RBPJ: variants seen among roughly 807,000 people sequenced by gnomAD.
RBPJ encodes recombination signal binding protein for immunoglobulin kappa J region, also known as recombining binding protein suppressor of hairless.
RBPJ carries 9 observed loss-of-function variants against 67.8 expected under a neutral mutation model. The observed-to-expected ratio is 0.13, with a 90% confidence interval of 0.08 to 0.23. The LOEUF is 0.23. Among genes scored for constraint, RBPJ ranks in the 10% least tolerant of loss-of-function variants. The pLI is 1.00. For synonymous variants in RBPJ, 198 were observed against 203.3 expected, an observed-to-expected ratio of 0.97 and a Z score of 0.22; for missense variants, 305 against 595.6, an observed-to-expected ratio of 0.51 and a Z score of 5.08.
chr4:26,278,825 C>A (rs751515806), intron 1 of RBPJ, among the ~76,000 whole-genome samples: 2 of 152,078 alleles, frequency 1.3e-5, no homozygotes, highest in South Asian at 4.1e-4. Flanking sequence ...ATGATTAGTC[C>A]GTTTTAAAAA....
At chr4:26,263,311 C>T (rs1370442339) in intron 1 of RBPJ, among the ~76,000 whole-genome samples, 2 of 121,998 alleles carry the variant, frequency 1.6e-5, no homozygotes, top group African/African-American at 3.0e-5. Context: ...AACCACCCAG[C>T]CCCCCCGCCC....
intron 1 of RBPJ, among the ~76,000 whole-genome samples, chr4:26,212,949 C>T (rs541982165): frequency 6.6e-6 from 1 of 152,266 alleles, no homozygotes; most frequent in Non-Finnish European, 1.5e-5. Context: ...AACTCATCCC[C>T]ATACCAGGAG....
At chr4:26,335,232 A>C (rs1262147793) in intron 1 of RBPJ, among the ~76,000 whole-genome samples, 3 of 152,080 alleles carry the variant, frequency 2.0e-5, no homozygotes, top group African/African-American at 7.2e-5. Flanking sequence ...CCCAGGCTGG[A>C]GTGCAGTGGC....
At chr4:26,269,937 T>C (rs1259241823) in intron 1 of RBPJ, among the ~76,000 whole-genome samples, 2 of 151,924 alleles carry the variant, frequency 1.3e-5, no homozygotes, top group Admixed American at 1.3e-4. Context: ...AATGAAACAT[T>C]GTGGAAGAAT....
At chr4:26,190,501 G>A (rs1717440762) in intron 1 of RBPJ, among the ~76,000 whole-genome samples, 1 of 152,158 alleles carries the variant, frequency 6.6e-6, no homozygotes, top group Non-Finnish European at 1.5e-5. Flanking sequence ...TTAGAAATAG[G>A]TGAGGGCATC....
intron 1 of RBPJ, among the ~76,000 whole-genome samples, chr4:26,295,884 G>A (rs1721859634): frequency 6.6e-6 from 1 of 152,176 alleles, no homozygotes; most frequent in Non-Finnish European, 1.5e-5. Context: ...AACCCCTGGG[G>A]TGAAATTAGA....
At chr4:26,335,278 T>C (rs1724689777) in intron 1 of RBPJ, among the ~76,000 whole-genome samples, 1 of 151,748 alleles carries the variant, frequency 6.6e-6, no homozygotes, top group African/African-American at 2.4e-5. Flanking sequence ...GCCTCCTGGG[T>C]TCAAGTGATT....
chr4:26,431,049 C>A lies in RBPJ; in HGVS notation c.*42C>A, dbSNP rs1577683194. On this transcript the variant is annotated 3_prime_UTR_variant, in exon 11 of 11. Transcript: ENST00000355476. The stretch of plus-strand genomic sequence containing the variant: ...AGGACTTAAACTGACTTGAGTGTGG[C>A]AAAAAGTTAACAAAAAAGGAGAAAA... 1.3e-6 allele frequency: 2 copies of A among 1,533,848 alleles called. No individual in the cohort carries two copies. Among genetic ancestry groups the A allele is most frequent in the African/African-American group, 1.4e-5 (1 of 72,370 alleles).
chr4:26,151,681 C>T, the RBPJ span, among the ~76,000 whole-genome samples: 1 of 152,204 alleles, frequency 6.6e-6, no homozygotes, highest in Non-Finnish European at 1.5e-5. Context: ...GACAGCCTTC[C>T]GACTACCCAG....
At chr4:26,276,131 C>A (rs1389957788) in intron 1 of RBPJ, among the ~76,000 whole-genome samples, 1 of 150,770 alleles carries the variant, frequency 6.6e-6, no homozygotes, top group Non-Finnish European at 1.5e-5. Context: ...AAAAATTAGC[C>A]GAGCATGGTG....
intron 3 of RBPJ, among the ~76,000 whole-genome samples, chr4:26,407,552 G>C (rs1733559975): frequency 6.6e-6 from 1 of 152,120 alleles, no homozygotes; most frequent in Non-Finnish European, 1.5e-5. Flanking sequence ...TCTTTGAATA[G>C]TTTCTTGAGT....
chr4:26,342,409 G>T (rs1449649252), intron 1 of RBPJ, among the ~76,000 whole-genome samples: 2 of 152,186 alleles, frequency 1.3e-5, no homozygotes, highest in Non-Finnish European at 2.9e-5. Flanking sequence ...GTTGGTGGGA[G>T]AAATGGAATT....
At chr4:26,232,142 C>T (rs1719311904) in intron 1 of RBPJ, among the ~76,000 whole-genome samples, 1 of 152,048 alleles carries the variant, frequency 6.6e-6, no homozygotes, top group African/African-American at 2.4e-5. Flanking sequence ...ATGATCCAAC[C>T]TCCTCAGCCT....
chr4:26,375,200 A>T (rs1729581896), intron 1 of RBPJ, among the ~76,000 whole-genome samples: 1 of 149,452 alleles, frequency 6.7e-6, no homozygotes, highest in African/African-American at 2.5e-5. Context: ...GCTACTGGGG[A>T]GTAGGATCAC....
chr4:26,163,683 G>T (rs12512100), intron 1 of RBPJ: 1 of 152,086 alleles, frequency 6.6e-6, no homozygotes, highest in Non-Finnish European at 1.5e-5. Flanking sequence ...GCTTTAGTTC[G>T]TGACTTATGA....
the RBPJ span, among the ~76,000 whole-genome samples, chr4:26,153,139 G>T: frequency 1.7e-3 from 256 of 152,304 alleles, 1 homozygote; most frequent in Non-Finnish European, 2.6e-3. Flanking sequence ...TGTGTGCATC[G>T]AACCATCAGA....
the RBPJ span, among the ~76,000 whole-genome samples, chr4:26,125,905 G>T: frequency 1.1e-4 from 16 of 152,272 alleles, no homozygotes; most frequent in African/African-American, 3.4e-4. Flanking sequence ...CAGCTGGAGA[G>T]GCAGCATAAC....
intron 7 of RBPJ, among the ~76,000 whole-genome samples, chr4:26,426,793 CAG>C (rs917081900): frequency 4.3e-4 from 66 of 152,178 alleles, no homozygotes; most frequent in African/African-American, 1.5e-3. Flanking sequence ...GAACTGAAGG[CAG>C]GGGATGTATG....
chr4:26,290,382 C>T (rs1041736608), intron 1 of RBPJ, among the ~76,000 whole-genome samples: 1 of 147,886 alleles, frequency 6.8e-6, no homozygotes, highest in South Asian at 2.1e-4. Context: ...CCTTTTTGGA[C>T]CAATATGCTG....
Sources: allele counts gnomAD v4.1 joint callset (sites outside exome capture counted in the v4.1 genomes callset), GRCh38; gene constraint gnomAD v4.1.1; transcripts MANE v1.5; gene names NCBI Gene and HGNC (gene_info 2026-07-23, HGNC 2026-07-21).